RYR2: variants seen among roughly 807,000 people sequenced by gnomAD.
The protein encoded by RYR2 is ryanodine receptor 2.
In RYR2, 227 loss-of-function variants were observed where a neutral mutation model predicts 601.1. That is an observed-to-expected ratio of 0.38 (90% CI 0.34 to 0.42). The LOEUF is 0.42. RYR2 is among the 10% of genes least tolerant of loss of function. The pLI, the probability that RYR2 is intolerant of heterozygous loss-of-function variation, is 1.00. For missense variants in RYR2, 4,646 were observed against 6,156.5 expected (o/e 0.75, Z 8.21); for synonymous variants, 2,223 against 2,175.1 (o/e 1.02, Z -0.61).
In RYR2 at chr1:237,628,097, C is replaced by A. The variant is rs375644782; in HGVS notation, c.6440+17C>A. On this transcript the variant is annotated intron_variant, in intron 41 of 104. Transcript: ENST00000366574. ...TGGATTAGGGTAAATTATTTAACTA[C>A]TACAACCCTTTGTCTCGTAAATGTT... 7 of 1,609,768 alleles carry A rather than the reference C, an allele frequency of 4.3e-6. No homozygotes were observed. The highest frequency in any genetic ancestry group is 5.9e-6 in the Non-Finnish European group (7 of 1,176,864).
intron 63 of RYR2, among the ~76,000 whole-genome samples, chr1:237,687,781 G>T (rs114312482): frequency 1.3e-5 from 2 of 152,154 alleles, no homozygotes; most frequent in Non-Finnish European, 2.9e-5. Context: ...AGGCTGTGCC[G>T]TATTTTATCT....
chr1:237,669,649 C>T (rs1433176346), intron 58 of RYR2, among the ~76,000 whole-genome samples: 11 of 149,464 alleles, frequency 7.4e-5, no homozygotes, highest in South Asian at 2.1e-4. Context: ...ACATCCCAGA[C>T]GGGGCGGCAG....
intron 47 of RYR2, 132 bp downstream of exon 47, chr1:237,641,134 A>G (rs1681424458): frequency 1.8e-6 from 1 of 559,156 alleles, no homozygotes; most frequent in African/African-American, 1.9e-5. Flanking sequence ...CTGCAGTCTA[A>G]TCACTGAACA....
chr1:237,332,129 G>A (rs1696804936), intron 3 of RYR2, among the ~76,000 whole-genome samples: 1 of 151,860 alleles, frequency 6.6e-6, no homozygotes, highest in Non-Finnish European at 1.5e-5. Flanking sequence ...TCATTACTCT[G>A]GTCTGGATAA....
chr1:237,543,807 C>A (rs1225190966), intron 25 of RYR2, among the ~76,000 whole-genome samples: 1 of 152,086 alleles, frequency 6.6e-6, no homozygotes, highest in African/African-American at 2.4e-5. Flanking sequence ...TACACTGAGC[C>A]CTTGTTTCAA....
At chr1:237,611,160 A>C (rs1677826951) in intron 36 of RYR2, among the ~76,000 whole-genome samples, 172 bp downstream of exon 36, 1 of 152,152 alleles carries the variant, frequency 6.6e-6, no homozygotes, top group African/African-American at 2.4e-5. Flanking sequence ...TTCTAAGTTT[A>C]AGTTTATTTC....
At chr1:237,739,450 G>A (rs1183518788) in intron 79 of RYR2, among the ~76,000 whole-genome samples, 1 of 152,132 alleles carries the variant, frequency 6.6e-6, no homozygotes, top group Non-Finnish European at 1.5e-5. Context: ...CCCAACGGTG[G>A]TTTTACCAAT....
At position 237,692,403 on chromosome 1, in the gene RYR2, T is replaced by C. The variant is rs183261973; in HGVS notation, c.9067+4899T>C. 3.3e-3 allele frequency among the ~76,000 whole-genome samples: 498 copies of C among 152,296 alleles called. 2 individuals are homozygous for C. Among genetic ancestry groups the C allele is most frequent in the Non-Finnish European group, 5.8e-3 (392 of 68,024 alleles). On this transcript the variant is annotated intron_variant, in intron 63 of 104. Transcript: ENST00000366574. ...TCTCAACTGTGTTCCACGATGATCT[T>C]ATCAAATCTTCTCAAAACACACTTC...
intron 41 of RYR2, among the ~76,000 whole-genome samples, chr1:237,628,579 C>CATGGTGT (rs1179639813): frequency 1.3e-5 from 2 of 151,956 alleles, no homozygotes; most frequent in African/African-American, 4.8e-5. Flanking sequence ...CATAGTATTC[C>CATGGTGT]ATGGTGTATA....
chr1:237,148,351 T>C (rs1674243165), intron 1 of RYR2, among the ~76,000 whole-genome samples: 1 of 151,422 alleles, frequency 6.6e-6, no homozygotes, highest in Non-Finnish European at 1.5e-5. Flanking sequence ...CTGGGGCCTG[T>C]CGGGAGGGCT....
intron 1 of RYR2, among the ~76,000 whole-genome samples, chr1:237,107,415 G>A (rs375773393): frequency 1.2e-3 from 185 of 149,748 alleles, no homozygotes; most frequent in Middle Eastern, 0.01. Context: ...CAGCTACTCA[G>A]GAGGCTGAGG....
At chr1:237,603,547 A>G (rs201230901) in intron 35 of RYR2, among the ~76,000 whole-genome samples, 1 of 152,252 alleles carries the variant, frequency 6.6e-6, no homozygotes, top group African/African-American at 2.4e-5. Context: ...AGCTGACATC[A>G]TAATGACAGG....
chr1:237,225,446 A>C (rs1352667885), intron 1 of RYR2, among the ~76,000 whole-genome samples: 1 of 152,142 alleles, frequency 6.6e-6, no homozygotes, highest in Admixed American at 6.6e-5. Context: ...GGTGAAGTGA[A>C]AGGGATTTCG....
intron 2 of RYR2, among the ~76,000 whole-genome samples, chr1:237,324,125 G>T (rs1226650512): frequency 6.6e-6 from 1 of 152,144 alleles, no homozygotes; most frequent in African/African-American, 2.4e-5. Context: ...AGGAAAAAGT[G>T]AACTAAGATT....
rs193131339 is a variant in RYR2, at chr1:237,531,419, C to A, written c.2906+909C>A. On this transcript the variant is annotated intron_variant, in intron 25 of 104. Transcript: ENST00000366574. ...AATAAATGATAGCTGTTTCATATTACTTTCTTATTTATTTAAACTTAAGTA... is the reference window on the plus strand; with the variant it reads ...AATAAATGATAGCTGTTTCATATTAATTTCTTATTTATTTAAACTTAAGTA... 7.0e-4 allele frequency among the ~76,000 whole-genome samples: 107 copies of A among 152,258 alleles called. 1 individual carries two copies. Among genetic ancestry groups the A allele is most frequent in the African/African-American group, 2.4e-3 (98 of 41,540 alleles).
intron 62 of RYR2, among the ~76,000 whole-genome samples, chr1:237,686,423 G>C (rs1200501192): frequency 5.9e-5 from 9 of 152,148 alleles, no homozygotes. Flanking sequence ...GAGCTGTACA[G>C]GAGGGCTGGA....
chr1:237,388,081 T>TTA lies in RYR2; in HGVS notation c.677-5_677-4dup. On this transcript the variant is annotated splice_polypyrimidine_tract_variant and splice_region_variant and intron_variant, in intron 9 of 104. Coordinates refer to ENST00000366574, the MANE Select transcript of RYR2 (RefSeq NM_001035.3). ...TCCAGACCTGAATGATTTTTTATCC[T>TTA]TACAGGGTATCTCATTGGTGGTGAT... The TTA allele has an allele frequency of 6.2e-7, 1 of 1,612,462 alleles. No homozygotes were observed. The highest frequency in any genetic ancestry group is 8.5e-7 in the Non-Finnish European group (1 of 1,178,840).
chr1:237,683,581 TAAATA>T (rs1686082766), intron 62 of RYR2, among the ~76,000 whole-genome samples: 1 of 152,188 alleles, frequency 6.6e-6, no homozygotes, highest in African/African-American at 2.4e-5. Flanking sequence ...GATAACTACA[TAAATA>T]AAATGTAGAA....
Position 237,147,542 on chromosome 1 carries a change from C to G in RYR2, c.48+104973C>G, listed in dbSNP as rs555540866. 3.9e-5 allele frequency among the ~76,000 whole-genome samples: 6 copies of G among 152,276 alleles called. No homozygotes were observed. In the South Asian group the frequency reaches 1.2e-3, roughly 32 times the overall value. On this transcript the variant is annotated intron_variant, in intron 1 of 104. Coordinates refer to ENST00000366574, the MANE Select transcript of RYR2 (RefSeq NM_001035.3). Reference sequence around the variant, plus strand: ...TTTTGTATCTTCAGTTTGAATTTATCTGAGAGCAGTCATGCAATTAAGATT... The same window carrying G: ...TTTTGTATCTTCAGTTTGAATTTATGTGAGAGCAGTCATGCAATTAAGATT...
Sources: allele counts gnomAD v4.1 joint callset (sites outside exome capture counted in the v4.1 genomes callset), GRCh38; gene constraint gnomAD v4.1.1; transcripts MANE v1.5; gene names NCBI Gene and HGNC (gene_info 2026-07-23, HGNC 2026-07-21).